The following LRBA variants were observed in gnomAD, a reference collection of about 807,000 sequenced individuals.
LRBA encodes the protein lipopolysaccharide-responsive and beige-like anchor protein.
LRBA carries 176 observed loss-of-function variants against 330.0 expected under a neutral mutation model. The observed-to-expected ratio is 0.53, with a 90% CI of 0.47 to 0.60. LRBA has a LOEUF of 0.60. Ranked by LOEUF, LRBA falls within the 20% of genes least tolerant of loss-of-function variation. The probability of loss-of-function intolerance (pLI) is 0.00; values close to 1 mark genes in which losing one functional copy is unlikely to be tolerated. For missense variants in LRBA, 3,259 were observed against 3,444.8 expected (o/e 0.95, Z 1.35); for synonymous variants, 1,230 against 1,193.0 (o/e 1.03, Z -0.64).
intron 46 of LRBA, among the ~76,000 whole-genome samples, chr4:150,429,484 T>C (rs1750085063): frequency 6.6e-6 from 1 of 152,060 alleles, no homozygotes; most frequent in African/African-American, 2.4e-5. Flanking sequence ...TATACTCAAA[T>C]AGGAAACCAT....
chr4:150,857,718 T>A (rs1402642825), intron 22 of LRBA, among the ~76,000 whole-genome samples: 1 of 152,128 alleles, frequency 6.6e-6, no homozygotes, highest in Non-Finnish European at 1.5e-5. Context: ...ATTTTTTAAA[T>A]CTCTCTTCCA....
chr4:150,341,839 G>C (rs1735619874), intron 48 of LRBA, among the ~76,000 whole-genome samples: 1 of 151,530 alleles, frequency 6.6e-6, no homozygotes, highest in Admixed American at 6.6e-5. Flanking sequence ...TGTCTAGATA[G>C]CTTTCAACCT....
intron 13 of LRBA, among the ~76,000 whole-genome samples, chr4:150,903,218 A>C (rs1417567175): frequency 2.0e-5 from 3 of 152,032 alleles, no homozygotes; most frequent in Non-Finnish European, 2.9e-5. Context: ...CCTAGTCTCT[A>C]CAAAAAAATT....
At chr4:150,994,375 G>A (rs534065086) in intron 2 of LRBA, among the ~76,000 whole-genome samples, 15 of 152,198 alleles carry the variant, frequency 9.9e-5, no homozygotes, top group Non-Finnish European at 2.1e-4. Flanking sequence ...TGCTCCACAC[G>A]AGTTACTGTG....
chr4:150,730,826 T>A (rs1248926560), intron 36 of LRBA, among the ~76,000 whole-genome samples: 1 of 151,688 alleles, frequency 6.6e-6, no homozygotes, highest in Non-Finnish European at 1.5e-5. Context: ...AAGACCAGCC[T>A]GACCAACACA....
At chr4:150,560,447 C>A (rs534306404) in intron 40 of LRBA, among the ~76,000 whole-genome samples, 1 of 152,228 alleles carries the variant, frequency 6.6e-6, no homozygotes, top group South Asian at 2.1e-4. Context: ...GTGATGTCCT[C>A]TGTGACCAAA....
intron 37 of LRBA, among the ~76,000 whole-genome samples, chr4:150,612,029 A>C (rs1413287204): frequency 1.3e-5 from 2 of 152,144 alleles, no homozygotes; most frequent in African/African-American, 4.8e-5. Context: ...CAGCCTCCTG[A>C]GTAGCTGGGA....
intron 2 of LRBA, among the ~76,000 whole-genome samples, chr4:150,975,341 C>A (rs1401805213): frequency 6.6e-6 from 1 of 151,968 alleles, no homozygotes; most frequent in Non-Finnish European, 1.5e-5. Context: ...ACCAGCCTGG[C>A]CAACGTGGTG....
At chr4:150,576,690 G>T (rs961811081) in intron 40 of LRBA, among the ~76,000 whole-genome samples, 1 of 151,708 alleles carries the variant, frequency 6.6e-6, no homozygotes, top group African/African-American at 2.4e-5. Flanking sequence ...AATTATATTT[G>T]TAAAGTCTAA....
intron 36 of LRBA, among the ~76,000 whole-genome samples, chr4:150,731,075 T>A (rs1730388386): frequency 6.6e-6 from 1 of 151,860 alleles, no homozygotes; most frequent in African/African-American, 2.4e-5. Flanking sequence ...GAAATGCAAA[T>A]CAAAAGTACC....
chr4:150,637,869 A>C (rs1581883770), intron 37 of LRBA, among the ~76,000 whole-genome samples: 1 of 152,184 alleles, frequency 6.6e-6, no homozygotes, highest in East Asian at 1.9e-4. Flanking sequence ...TGACGTGTTA[A>C]GCTGTTAAGC....
intron 47 of LRBA, among the ~76,000 whole-genome samples, chr4:150,390,063 A>T (rs938433117): frequency 1.3e-5 from 2 of 152,120 alleles, no homozygotes; most frequent in East Asian, 3.8e-4. Context: ...TCTAATGGGT[A>T]ATTCTTCATG....
chr4:150,784,056 C>A (rs1179971513), intron 34 of LRBA, among the ~76,000 whole-genome samples: 1 of 152,188 alleles, frequency 6.6e-6, no homozygotes, highest in Non-Finnish European at 1.5e-5. Flanking sequence ...GAATCTAATT[C>A]TTTTATCTCA....
At chr4:150,877,086 T>C (rs1391628560) in intron 17 of LRBA, among the ~76,000 whole-genome samples, 1 of 151,326 alleles carries the variant, frequency 6.6e-6, no homozygotes, top group Non-Finnish European at 1.5e-5. Context: ...ACCCCGTCTT[T>C]ACTAAAAACA....
intron 2 of LRBA, among the ~76,000 whole-genome samples, chr4:150,954,829 A>T: frequency 6.9e-6 from 1 of 144,094 alleles, no homozygotes; most frequent in African/African-American, 2.7e-5. Context: ...AAAAAAAAAA[A>T]AAAAAAAAAG....
chr4:150,931,580 C>T (rs1734506827), intron 2 of LRBA, among the ~76,000 whole-genome samples: 1 of 149,578 alleles, frequency 6.7e-6, no homozygotes, highest in African/African-American at 2.5e-5. Context: ...GGCAACACAG[C>T]CAGACTCTGT....
rs556298268 is a variant in LRBA, at chr4:150,954,776, T to A, written c.217-25711A>T. On this transcript the variant is annotated intron_variant, in intron 2 of 56. Transcript: ENST00000651943. ...AGAATGATCAATAAATACTAAAAAA[T>A]TTTTTAAAAATTAAAAAAAAAAGAA... Among the ~76,000 whole-genome samples the A allele has an allele frequency of 5.6e-4, 71 of 126,956 alleles. 2 individuals are homozygous for A. The South Asian group carries it at 9.6e-3, about 17-fold the overall frequency. 83.3% of individuals were successfully genotyped at this position (126,956 alleles called of 152,430 possible).
At chr4:150,996,068 C>T (rs1356467185) in intron 2 of LRBA, among the ~76,000 whole-genome samples, 1 of 33,370 alleles carries the variant, frequency 3.0e-5, no homozygotes, top group Non-Finnish European at 7.1e-5. Flanking sequence ...TCAACAACAA[C>T]CAAAAAAAAA....
At chr4:150,693,788 T>C (rs1241651062) in intron 36 of LRBA, among the ~76,000 whole-genome samples, 2 of 152,062 alleles carry the variant, frequency 1.3e-5, no homozygotes, top group African/African-American at 2.4e-5. Flanking sequence ...TAAACATACA[T>C]TGTTTCTAAA....
Sources: gnomAD v4.1 joint callset for allele counts (sites outside exome capture counted in the v4.1 genomes callset) on GRCh38, gnomAD v4.1.1 for gene constraint, MANE v1.5 for transcripts, NCBI Gene and HGNC (gene_info 2026-07-23, HGNC 2026-07-21) for gene names.